FXYD4: variants seen among roughly 807,000 people sequenced by gnomAD.
The protein encoded by FXYD4 is FXYD domain containing ion transport regulator 4.
FXYD4 carries 14 observed loss-of-function variants against 18.3 expected under a neutral mutation model. The observed-to-expected ratio is 0.77, with a 90% CI of 0.51 to 1.20. The LOEUF is 1.20. FXYD4 is among the 50% of genes most tolerant of loss of function. The probability of loss-of-function intolerance (pLI) is 0.00; values close to 1 mark genes in which losing one functional copy is unlikely to be tolerated. For synonymous variants in FXYD4, 40 were observed against 40.5 expected (o/e 0.99, Z 0.04); for missense variants, 99 against 106.1 (o/e 0.93, Z 0.29).
chr10:43,374,444 A>G, intron 3 of FXYD4, 26 bp from the exon 4 acceptor site: 1 of 1,612,954 alleles, frequency 6.2e-7, no homozygotes, highest in African/African-American at 1.3e-5. Flanking sequence ...GAATTCCCAC[A>G]CATTTTCTCT....
chr10:43,372,028 G>C (rs1220260297), intron 1 of FXYD4, among the ~76,000 whole-genome samples: 8 of 130,134 alleles, frequency 6.1e-5, no homozygotes, highest in Non-Finnish European at 1.3e-4. Context: ...CTGGGTAACA[G>C]AGCAAGACCC....
At chr10:43,374,315 C>A (rs577210975) in intron 3 of FXYD4, among the ~76,000 whole-genome samples, 155 bp from the exon 4 acceptor site, 27 of 152,200 alleles carry the variant, frequency 1.8e-4, no homozygotes, top group Non-Finnish European at 3.7e-4. Flanking sequence ...GGCGGGGCCA[C>A]ACCCTGAGGC....
chr10:43,372,112 G>A (rs942058245), intron 1 of FXYD4, among the ~76,000 whole-genome samples: 4 of 151,784 alleles, frequency 2.6e-5, no homozygotes, highest in African/African-American at 7.2e-5. Context: ...TGAGACCCTC[G>A]TATTCCAGGA....
chr10:43,375,700 A>C lies in FXYD4; in HGVS notation c.178A>C (p.Lys60Gln). 6.2e-7 allele frequency: 1 copy of C among 1,614,116 alleles called. No individual in the cohort carries two copies. The highest frequency in any genetic ancestry group is 8.5e-7 in the Non-Finnish European group (1 of 1,179,966). Reference sequence around the variant, plus strand: ...GACCCCTCTCTCTCTCCCAGGTGGCAAATGCAAATGCAAGAGCAGCCAGAA... The same window carrying C: ...GACCCCTCTCTCTCTCCCAGGTGGCCAATGCAAATGCAAGAGCAGCCAGAA... ...IAGIAAVLSG[K>Q]CKCKSSQKQH... Residue 60 changes from lysine (K) to glutamine (Q), a missense_variant, in exon 7 of 9, where the codon AAA becomes CAA. By Grantham distance (53) the Lys-to-Gln change is moderately conservative. Transcript: ENST00000476166.
Position 43,374,466 on chromosome 10 carries a change from A to G in FXYD4, c.38-4A>G. The G allele has an allele frequency of 6.2e-7, 1 of 1,613,862 alleles. No homozygotes were observed. The highest frequency in any genetic ancestry group is 1.7e-5 in the Admixed American group (1 of 60,008). On this transcript the variant is annotated splice_polypyrimidine_tract_variant and splice_region_variant and intron_variant, in intron 3 of 8. Transcript: ENST00000476166. ...CACACATTTTCTCTGCTCCTCCCAC[A>G]CAGGCCTGACTGCCTTGGAAGCCAA...
At chr10:43,372,145 GAGA>G (rs1837815451) in intron 1 of FXYD4, among the ~76,000 whole-genome samples, 1 of 152,076 alleles carries the variant, frequency 6.6e-6, no homozygotes, top group Admixed American at 6.6e-5. Context: ...TGAAGGTAGA[GAGA>G]CCAGTGAAGG....
chr10:43,373,878 C>A, intron 3 of FXYD4, 95 bp downstream of exon 3: 1 of 836,212 alleles, frequency 1.2e-6, no homozygotes, highest in South Asian at 1.3e-5. Context: ...GTCTGGTGTT[C>A]AATCAGCATG....
At chr10:43,373,387 C>T (rs370417342) in intron 2 of FXYD4, 128 bp from the exon 3 acceptor site, 34 of 278,464 alleles carry the variant, frequency 1.2e-4, no homozygotes, top group East Asian at 1.1e-3. Context: ...TAGTATCTTC[C>T]TCATGGGGAG....
chr10:43,374,704 T>C (rs2131948390), intron 5 of FXYD4, 65 bp downstream of exon 5: 1 of 1,307,406 alleles, frequency 7.6e-7, no homozygotes. Flanking sequence ...GCTAGACAAG[T>C]TGGTGAGGGG....
At position 43,375,570 on chromosome 10, in the gene FXYD4, CTGAG is replaced by C. The variant is rs780280754; in HGVS notation, c.172+4_172+7del. 6.6e-5 allele frequency: 107 copies of C among 1,613,626 alleles called. No individual in the cohort carries two copies. Among genetic ancestry groups the C allele is most frequent in the Non-Finnish European group, 6.1e-5 (72 of 1,179,716 alleles). ...GGCCATTGCTGGGATCGCGGCAGTT[CTGAG>C]TGAGTGGCAGGACAGGTGGGGCTGG... On this transcript the variant is annotated splice_donor_variant and coding_sequence_variant, in exon 6 of 9. Coordinates refer to ENST00000476166, the MANE Select transcript of FXYD4 (RefSeq NM_173160.3). LOFTEE classifies it high-confidence loss of function.
At chr10:43,371,957 T>C (rs767995967) in intron 1 of FXYD4, among the ~76,000 whole-genome samples, 32 of 149,782 alleles carry the variant, frequency 2.1e-4, no homozygotes, top group Non-Finnish European at 3.8e-4. Flanking sequence ...GGTGAGGAGA[T>C]CACCTGAGCC....
At chr10:43,373,976 T>G (rs1837838355) in intron 3 of FXYD4, among the ~76,000 whole-genome samples, 193 bp downstream of exon 3, 1 of 152,132 alleles carries the variant, frequency 6.6e-6, no homozygotes, top group South Asian at 2.1e-4. Flanking sequence ...TCCTAATAGC[T>G]CCAGAGGAAT....
chr10:43,375,007 G>T (rs1837851424), intron 5 of FXYD4, among the ~76,000 whole-genome samples: 1 of 147,584 alleles, frequency 6.8e-6, no homozygotes, highest in African/African-American at 2.5e-5. Context: ...CCCTTTCTTT[G>T]CGCATGTCCA....
At chr10:43,373,464 A>C (rs770455938) in intron 2 of FXYD4, 51 bp from the exon 3 acceptor site, 3 of 524,674 alleles carry the variant, frequency 5.7e-6, no homozygotes, top group Admixed American at 6.2e-5. Context: ...CTGTGCAGGC[A>C]CAGTTTTGAG....
chr10:43,372,993 G>C (rs1271253244), intron 2 of FXYD4, among the ~76,000 whole-genome samples: 1 of 152,172 alleles, frequency 6.6e-6, no homozygotes, highest in African/African-American at 2.4e-5. Flanking sequence ...TCCAACCTGA[G>C]GGGGAAATGT....
chr10:43,374,659 C>T lies in FXYD4; in HGVS notation c.97+20C>T. On this transcript the variant is annotated intron_variant, in intron 5 of 8. Coordinates refer to ENST00000476166, the MANE Select transcript of FXYD4 (RefSeq NM_173160.3). ...ACTATGGTAAGAGCTGATATTCCCACCCCCACCCTACCCTTGCCTATCCTG... is the reference window on the plus strand; with the variant it reads ...ACTATGGTAAGAGCTGATATTCCCATCCCCACCCTACCCTTGCCTATCCTG... The T allele has an allele frequency of 6.3e-7, 1 of 1,596,482 alleles. No individual in the cohort carries two copies. The highest frequency in any genetic ancestry group is 8.6e-7 in the Non-Finnish European group (1 of 1,163,916).
chr10:43,371,963 G>C (rs1031068533), intron 1 of FXYD4, among the ~76,000 whole-genome samples: 1 of 151,178 alleles, frequency 6.6e-6, no homozygotes, highest in African/African-American at 2.4e-5. Context: ...GAGATCACCT[G>C]AGCCAAGAGA....
chr10:43,376,320 G>C lies in FXYD4; in HGVS notation c.*154G>C. On this transcript the variant is annotated 3_prime_UTR_variant, in exon 9 of 9. Coordinates refer to ENST00000476166, the MANE Select transcript of FXYD4 (RefSeq NM_173160.3). The stretch of plus-strand genomic sequence containing the variant: ...GGAGGCTTCTTTATGAATTAAACTC[G>C]CCCCACCACCCCCTCCTCGGTAGTC... The C allele has an allele frequency of 4.1e-6, 3 of 736,038 alleles. No homozygotes were observed. The highest frequency in any genetic ancestry group is 5.4e-5 in the East Asian group (2 of 37,102). 45.6% of individuals were successfully genotyped at this position (736,038 alleles called of 1,614,324 possible).
Position 43,376,266 on chromosome 10 carries a change from G to A in FXYD4, c.*100G>A. On this transcript the variant is annotated 3_prime_UTR_variant, in exon 9 of 9. Coordinates refer to ENST00000476166, the MANE Select transcript of FXYD4 (RefSeq NM_173160.3). ...TCCTCAAGGAAGGACTTCTCTCCAA[G>A]GGCAGGCTGTTAGGCCCCTTTCTGA... is the stretch of plus-strand genomic sequence containing the variant. 7.4e-7 allele frequency: 1 copy of A among 1,347,178 alleles called. No homozygotes were observed. Among genetic ancestry groups the A allele is most frequent in the Non-Finnish European group, 1.1e-6 (1 of 946,502 alleles). The allele number at this position is 1,347,178 out of a possible 1,614,324, so 83.5% of individuals were successfully genotyped here. A position where few individuals can be genotyped will look rare whatever the true frequency, so the allele number is the denominator to read the frequency against.
Sources: allele counts gnomAD v4.1 joint callset (sites outside exome capture counted in the v4.1 genomes callset), GRCh38; gene constraint gnomAD v4.1.1; transcripts MANE v1.5; gene names NCBI Gene and HGNC (gene_info 2026-07-23, HGNC 2026-07-21).